CNTNAP5: variants seen among roughly 807,000 people sequenced by gnomAD.
CNTNAP5 encodes the protein contactin-associated protein-like 5.
A neutral mutation model predicts 150.2 loss-of-function variants in CNTNAP5; 72 were observed. The ratio of observed to expected loss-of-function variants is 0.48; its 90% CI spans 0.40 to 0.58. The LOEUF is 0.58. Ranked by LOEUF, CNTNAP5 falls within the 20% of genes least tolerant of loss-of-function variation. The pLI is 0.00. For missense variants in CNTNAP5, 1,636 were observed against 1,626.2 expected, an observed-to-expected ratio of 1.01 and a Z score of -0.10; for synonymous variants, 672 against 619.8, an observed-to-expected ratio of 1.08 and a Z score of -1.25.
chr2:124,189,459 G>A (rs1049725914), intron 1 of CNTNAP5, among the ~76,000 whole-genome samples: 1 of 152,208 alleles, frequency 6.6e-6, no homozygotes. Flanking sequence ...CCCTGGAGAG[G>A]TTCCAGACTA....
chr2:124,038,636 G>T (rs1260772044), intron 1 of CNTNAP5, among the ~76,000 whole-genome samples: 3 of 152,168 alleles, frequency 2.0e-5, no homozygotes, highest in African/African-American at 7.2e-5. Flanking sequence ...TTTACTAAAT[G>T]AAATCTTACA....
At chr2:124,588,298 T>C (rs1696602952) in intron 11 of CNTNAP5, among the ~76,000 whole-genome samples, 1 of 151,574 alleles carries the variant, frequency 6.6e-6, no homozygotes, top group African/African-American at 2.4e-5. Context: ...AATTTTAACT[T>C]GCAAAAGAAT....
chr2:124,320,278 G>A (rs189977757), intron 3 of CNTNAP5, among the ~76,000 whole-genome samples: 1 of 152,164 alleles, frequency 6.6e-6, no homozygotes, highest in Non-Finnish European at 1.5e-5. Context: ...TGTCACAATA[G>A]AAATTTTCTC....
chr2:124,581,488 C>T (rs1253977579), intron 11 of CNTNAP5, among the ~76,000 whole-genome samples: 1 of 152,110 alleles, frequency 6.6e-6, no homozygotes, highest in Non-Finnish European at 1.5e-5. Context: ...TTTTCTAGCA[C>T]GACAACATAA....
chr2:124,038,650 G>T (rs1001307748), intron 1 of CNTNAP5, among the ~76,000 whole-genome samples: 3 of 152,166 alleles, frequency 2.0e-5, no homozygotes, highest in Non-Finnish European at 2.9e-5. Flanking sequence ...TCTTACATAT[G>T]ATTTTAATAT....
chr2:124,308,747 C>A (rs1270184906), intron 3 of CNTNAP5, among the ~76,000 whole-genome samples: 1 of 152,142 alleles, frequency 6.6e-6, no homozygotes, highest in Non-Finnish European at 1.5e-5. Context: ...AATATAAAAG[C>A]ACTAACTGGG....
chr2:124,691,279 A>C (rs1300325538), intron 13 of CNTNAP5, among the ~76,000 whole-genome samples: 1 of 152,134 alleles, frequency 6.6e-6, no homozygotes, highest in Non-Finnish European at 1.5e-5. Context: ...AAGGTAGGTC[A>C]GATCATTTCT....
chr2:124,741,031 T>G (rs1680487343), intron 13 of CNTNAP5, among the ~76,000 whole-genome samples: 1 of 152,194 alleles, frequency 6.6e-6, no homozygotes, highest in Admixed American at 6.5e-5. Flanking sequence ...CTAAACCCAC[T>G]GCCACATGTA....
chr2:124,906,924 ATAGT>A (rs772949962), intron 22 of CNTNAP5, among the ~76,000 whole-genome samples: 12 of 152,146 alleles, frequency 7.9e-5, no homozygotes, highest in Non-Finnish European at 1.5e-4. Context: ...GTTAACTTCC[ATAGT>A]TAGTGGAGAT....
intron 6 of CNTNAP5, among the ~76,000 whole-genome samples, chr2:124,468,675 C>T (rs531378719): frequency 3.9e-5 from 6 of 152,198 alleles, no homozygotes; most frequent in South Asian, 2.1e-4. Flanking sequence ...TACTAACCAT[C>T]GCACTTGGCC....
chr2:124,538,550 G>GAGAA (rs1025382197), intron 10 of CNTNAP5, among the ~76,000 whole-genome samples: 1 of 122,058 alleles, frequency 8.2e-6, no homozygotes, highest in East Asian at 2.3e-4. Flanking sequence ...GAAAGAAAGA[G>GAGAA]AGAAAGAAAG....
chr2:124,882,013 G>A (rs1321890393), intron 21 of CNTNAP5, among the ~76,000 whole-genome samples: 2 of 151,948 alleles, frequency 1.3e-5, no homozygotes, highest in Admixed American at 6.6e-5. Context: ...TCAAGACTGC[G>A]GGATTCCCAG....
At chr2:124,413,399 A>G (rs1393474943) in intron 3 of CNTNAP5, among the ~76,000 whole-genome samples, 2 of 145,822 alleles carry the variant, frequency 1.4e-5, no homozygotes, top group Non-Finnish European at 3.0e-5. Flanking sequence ...CCAAAGGACT[A>G]TAAATCATGC....
chr2:124,810,325 G>A (rs926504715), intron 19 of CNTNAP5, among the ~76,000 whole-genome samples: 5 of 152,110 alleles, frequency 3.3e-5, no homozygotes, highest in Non-Finnish European at 7.3e-5. Flanking sequence ...TTGATAATCT[G>A]CTTCCAAGCT....
At chr2:124,262,527 C>T (rs891573283) in intron 3 of CNTNAP5, among the ~76,000 whole-genome samples, 13 of 152,080 alleles carry the variant, frequency 8.5e-5, no homozygotes, top group Admixed American at 5.2e-4. Flanking sequence ...AATTTATCCC[C>T]GGTTCACCTT....
chr2:124,423,419 C>A (rs891554206), intron 4 of CNTNAP5, among the ~76,000 whole-genome samples: 3 of 152,094 alleles, frequency 2.0e-5, no homozygotes, highest in South Asian at 2.1e-4. Flanking sequence ...GATTTCAGCA[C>A]CTTCGTCAGG....
At chr2:124,550,163 A>C (rs948021342) in intron 10 of CNTNAP5, among the ~76,000 whole-genome samples, 3 of 152,230 alleles carry the variant, frequency 2.0e-5, no homozygotes, top group Admixed American at 2.0e-4. Flanking sequence ...AAACGATACC[A>C]TTTTAACATA....
intron 3 of CNTNAP5, among the ~76,000 whole-genome samples, chr2:124,251,430 T>TTGGGCTGGA (rs1187655854): frequency 1.3e-5 from 2 of 150,554 alleles, no homozygotes; most frequent in Non-Finnish European, 2.9e-5. Flanking sequence ...GTCATAAAAA[T>TTGGGCTGGA]TGGGCTGGAG....
intron 8 of CNTNAP5, among the ~76,000 whole-genome samples, chr2:124,520,474 C>T (rs75289908): frequency 2.0e-5 from 3 of 152,282 alleles, no homozygotes; most frequent in East Asian, 1.9e-4. Flanking sequence ...TAGGCTGCCA[C>T]GAACAACATA....
Sources: allele counts gnomAD v4.1 joint callset (sites outside exome capture counted in the v4.1 genomes callset), GRCh38; gene constraint gnomAD v4.1.1; transcripts MANE v1.5; gene names NCBI Gene and HGNC (gene_info 2026-07-23, HGNC 2026-07-21).